CNBD1: variants seen among roughly 807,000 people sequenced by gnomAD.
The protein encoded by CNBD1 is cyclic nucleotide-binding domain-containing protein 1.
CNBD1 carries 71 observed loss-of-function variants against 54.4 expected under a neutral mutation model. That is an observed-to-expected ratio of 1.30 (90% CI 1.08 to 1.59). CNBD1 has a LOEUF of 1.59. Among genes scored for constraint, CNBD1 ranks in the 40% most tolerant of loss-of-function variants. The pLI is 0.00. For synonymous variants in CNBD1, 182 were observed against 170.7 expected (o/e 1.07, Z -0.51); for missense variants, 659 against 518.0 (o/e 1.27, Z -2.64).
intron 4 of CNBD1, among the ~76,000 whole-genome samples, chr8:87,137,793 G>A (rs937842694): frequency 1.3e-5 from 2 of 152,100 alleles, no homozygotes; most frequent in South Asian, 2.1e-4. Flanking sequence ...ACAGTTATAA[G>A]GATGGGATGT....
Position 87,206,000 on chromosome 8 carries a change from C to A in CNBD1, c.439C>A (p.His147Asn). 1 of 1,487,790 alleles carries A rather than the reference C, an allele frequency of 6.7e-7. No individual in the cohort carries two copies. The highest frequency in any genetic ancestry group is 8.9e-7 in the Non-Finnish European group (1 of 1,123,288). 92.2% of individuals were successfully genotyped at this position (1,487,790 alleles called of 1,614,324 possible). Residue 147 changes from histidine to asparagine, a missense_variant, in exon 5 of 11, where the codon CAC becomes AAC. Transcript: ENST00000518476. ...TTTTTTTTTTTTTTTGAGGCCCATTCACAGGACGCCATATGAACACAAAAC... is the reference window on the plus strand; with the variant it reads ...TTTTTTTTTTTTTTTGAGGCCCATTAACAGGACGCCATATGAACACAAAAC... ...FLAILKKLPI[H>N]RTPYEHKTVW... is the part of the protein sequence containing the mutation.
chr8:86,932,958 G>T (rs935962221), intron 3 of CNBD1, among the ~76,000 whole-genome samples: 4 of 152,088 alleles, frequency 2.6e-5, no homozygotes, highest in Non-Finnish European at 2.9e-5. Flanking sequence ...GAGGACCAAG[G>T]AAGGTCGTAT....
chr8:87,420,856 AT>A (rs1309453913), intron 2 of CNBD1, among the ~76,000 whole-genome samples: 1 of 151,974 alleles, frequency 6.6e-6, no homozygotes, highest in Non-Finnish European at 1.5e-5. Flanking sequence ...TAACAATACA[AT>A]AGAATTATAA....
chr8:87,110,276 A>G (rs1384911109), intron 4 of CNBD1, among the ~76,000 whole-genome samples: 1 of 152,154 alleles, frequency 6.6e-6, no homozygotes, highest in African/African-American at 2.4e-5. Context: ...TGGGGCCTGC[A>G]AAGATTCCAC....
intron 3 of CNBD1, among the ~76,000 whole-genome samples, chr8:86,925,236 G>C (rs753158607): frequency 1.3e-5 from 2 of 152,110 alleles, no homozygotes; most frequent in African/African-American, 2.4e-5. Flanking sequence ...ATCCTGGAGC[G>C]AGAATTTACC....
intron 2 of CNBD1, among the ~76,000 whole-genome samples, chr8:87,394,068 A>G (rs1029495831): frequency 2.0e-5 from 3 of 151,916 alleles, no homozygotes; most frequent in Non-Finnish European, 2.9e-5. Context: ...TAAAAGGTAC[A>G]TGCTTATTTC....
intron 4 of CNBD1, among the ~76,000 whole-genome samples, chr8:87,031,890 A>T (rs568407873): frequency 6.6e-6 from 1 of 151,996 alleles, no homozygotes; most frequent in Non-Finnish European, 1.5e-5. Flanking sequence ...ACAGGCATGC[A>T]CCACCACACC....
At chr8:87,265,143 G>A (rs1366101620) in intron 6 of CNBD1, among the ~76,000 whole-genome samples, 1 of 152,004 alleles carries the variant, frequency 6.6e-6, no homozygotes, top group Non-Finnish European at 1.5e-5. Flanking sequence ...GGTCTAACAT[G>A]TGAGTCTTTA....
intron 8 of CNBD1, among the ~76,000 whole-genome samples, chr8:87,316,540 G>T (rs1809391923): frequency 6.6e-6 from 1 of 151,922 alleles, no homozygotes; most frequent in Non-Finnish European, 1.5e-5. Context: ...AACAGTGTGT[G>T]TCTAAAAGTT....
chr8:87,224,254 C>A (rs1257014206), intron 5 of CNBD1, among the ~76,000 whole-genome samples: 3 of 149,698 alleles, frequency 2.0e-5, no homozygotes, highest in Non-Finnish European at 4.5e-5. Context: ...TAATTAGATC[C>A]CATTTGTCAA....
At chr8:87,327,005 T>A (rs1224466706) in intron 8 of CNBD1, among the ~76,000 whole-genome samples, 7 of 148,926 alleles carry the variant, frequency 4.7e-5, no homozygotes, top group Non-Finnish European at 8.9e-5. Context: ...TTTCTGTTTG[T>A]TAGTTTTCCT....
intron 4 of CNBD1, among the ~76,000 whole-genome samples, chr8:87,091,611 T>C (rs1811204410): frequency 6.6e-6 from 1 of 152,192 alleles, no homozygotes; most frequent in Non-Finnish European, 1.5e-5. Flanking sequence ...CAGAATTCCA[T>C]GGATCTTAAA....
intron 6 of CNBD1, among the ~76,000 whole-genome samples, chr8:87,246,714 G>T (rs1807813410): frequency 6.6e-6 from 1 of 151,978 alleles, no homozygotes. Context: ...CACTCTTCCA[G>T]GCATGGGAGA....
intron 4 of CNBD1, among the ~76,000 whole-genome samples, chr8:86,947,689 G>A (rs1413882229): frequency 6.6e-6 from 1 of 151,974 alleles, no homozygotes; most frequent in Non-Finnish European, 1.5e-5. Context: ...TTTGATACAG[G>A]CATACAATGA....
chr8:87,052,241 T>A, intron 4 of CNBD1, among the ~76,000 whole-genome samples: 1 of 152,174 alleles, frequency 6.6e-6, no homozygotes, highest in South Asian at 2.1e-4. Flanking sequence ...TTTTCTGAGG[T>A]GCTACTCAGT....
intron 1 of CNBD1, among the ~76,000 whole-genome samples, chr8:86,870,030 T>TG (rs1310796937): frequency 1.3e-5 from 2 of 151,682 alleles, no homozygotes; most frequent in Non-Finnish European, 2.9e-5. Flanking sequence ...CTGGTTGACT[T>TG]GAAAAAAAAA....
At chr8:86,968,707 TC>T (rs749176102) in intron 4 of CNBD1, among the ~76,000 whole-genome samples, 7 of 152,208 alleles carry the variant, frequency 4.6e-5, no homozygotes, top group Non-Finnish European at 1.0e-4. Context: ...GATCAGCCTT[TC>T]ACTTAATATA....
chr8:87,132,999 C>G (rs2130728645), intron 4 of CNBD1, among the ~76,000 whole-genome samples: 1 of 151,686 alleles, frequency 6.6e-6, no homozygotes, highest in East Asian at 1.9e-4. Context: ...TTCAAGCCCA[C>G]TGTTTTTTTC....
intron 2 of CNBD1, among the ~76,000 whole-genome samples, chr8:87,426,665 G>T (rs371764431): frequency 1.3e-5 from 2 of 151,982 alleles, no homozygotes; most frequent in Non-Finnish European, 2.9e-5. Context: ...AAATTGTGGC[G>T]CGGCTACCTA....
Sources: gnomAD v4.1 joint callset for allele counts (sites outside exome capture counted in the v4.1 genomes callset) on GRCh38, gnomAD v4.1.1 for gene constraint, MANE v1.5 for transcripts, NCBI Gene and HGNC (gene_info 2026-07-23, HGNC 2026-07-21) for gene names.